The following RGR variants were observed in gnomAD, a reference collection of about 807,000 sequenced individuals.
RGR encodes the protein retinal G protein coupled receptor, also known as RPE-retinal G protein-coupled receptor.
RGR carries 30 observed loss-of-function variants against 28.6 expected under a neutral mutation model. That is an observed-to-expected ratio of 1.05 (90% CI 0.78 to 1.42). The LOEUF (loss-of-function observed/expected upper bound fraction) is 1.42, where lower values mean the gene tolerates loss of function less well. Ranked by LOEUF, RGR falls within the 40% of genes most tolerant of loss-of-function variation. The pLI is 0.00. For synonymous variants in RGR, 180 were observed against 156.4 expected, an observed-to-expected ratio of 1.15 and a Z score of -1.13; for missense variants, 404 against 375.6, an observed-to-expected ratio of 1.08 and a Z score of -0.62.
chr10:84,246,891 G>A (rs1024369155), intron 1 of RGR, among the ~76,000 whole-genome samples: 1 of 152,178 alleles, frequency 6.6e-6, no homozygotes, highest in African/African-American at 2.4e-5. Flanking sequence ...ATAGGAGTAA[G>A]GTGGTATCTC....
intron 2 of RGR, 121 bp from the exon 3 acceptor site, chr10:84,248,801 T>C: frequency 6.3e-7 from 1 of 1,582,684 alleles, no homozygotes; most frequent in East Asian, 2.2e-5. Context: ...ACACCAATAT[T>C]AAGGCCCTCT....
rs758081686 is a variant in RGR at position 84,254,400 on chromosome 10, A to C, written c.587A>C (p.Tyr196Ser). ...AMPLFITITSYSLMEQKLGKS... is the reference protein window; with the variant it reads ...AMPLFITITSSSLMEQKLGKS... ...CCCCTCTTCATCACGATCACTTCCT[A>C]CAGTCTCATGGAGCAGAAACTGGGG... is the stretch of plus-strand genomic sequence containing the variant. The change falls in exon 5 of 7, where the codon TAC becomes TCC. Residue 196 changes from tyrosine (Y) to serine (S), a missense_variant. Coordinates refer to ENST00000652092, the MANE Select transcript of RGR (RefSeq NM_001012720.2). 2 of 1,613,852 alleles carry C rather than the reference A, an allele frequency of 1.2e-6. No homozygotes were observed. The highest frequency in any genetic ancestry group is 1.3e-5 in the African/African-American group (1 of 74,836).
At chr10:84,256,059 CTTTTTTTTTT>C (rs61441525) in intron 5 of RGR, among the ~76,000 whole-genome samples, 13 of 54,350 alleles carry the variant, frequency 2.4e-4, no homozygotes, top group African/African-American at 7.8e-4. Flanking sequence ...TTTTTCCTTT[CTTTTTTTTTT>C]TTTTTTTTTT....
intron 6 of RGR, 69 bp downstream of exon 6, chr10:84,258,075 C>T: frequency 7.4e-7 from 1 of 1,347,322 alleles, no homozygotes; most frequent in Non-Finnish European, 1.1e-6. Context: ...TCTCATCTCA[C>T]TTTCTGGATT....
At chr10:84,250,912 A>AG (rs1459863752) in intron 3 of RGR, 1 of 131,002 alleles carries the variant, frequency 7.6e-6, no homozygotes, top group Non-Finnish European at 1.5e-5. Flanking sequence ...CGCCTCAATA[A>AG]AAAAAAAAAA....
At chr10:84,258,364 C>T in intron 6 of RGR, 144 bp from the exon 7 acceptor site, 1 of 1,358,080 alleles carries the variant, frequency 7.4e-7, no homozygotes, top group Non-Finnish European at 1.0e-6. Flanking sequence ...CATGCATCTC[C>T]ACCAACTAGT....
At chr10:84,246,691 A>G (rs895481508) in intron 1 of RGR, among the ~76,000 whole-genome samples, 6 of 152,134 alleles carry the variant, frequency 3.9e-5, no homozygotes, top group Non-Finnish European at 8.8e-5. Context: ...GTAAGCATAG[A>G]TGTGCATGTG....
In RGR at chr10:84,247,627, T is replaced by C; in HGVS notation, c.116T>C (p.Phe39Ser). The C allele has an allele frequency of 1.9e-6, 3 of 1,614,080 alleles. No individual in the cohort carries two copies. Among genetic ancestry groups the C allele is most frequent in the Non-Finnish European group, 2.5e-6 (3 of 1,180,004 alleles). ...SGLSLNTLTI[F>S]SFCKTPELRT... Reference sequence around the variant, plus strand: ...CTCAGCCTCAATACCCTGACCATCTTCTCTTTCTGCAAGACCCCGGAGCTG... The same window carrying C: ...CTCAGCCTCAATACCCTGACCATCTCCTCTTTCTGCAAGACCCCGGAGCTG... Residue 39 changes from phenylalanine (F) to serine (S), a missense_variant, in exon 2 of 7, where the codon TTC becomes TCC. Phe to Ser is a radical substitution (Grantham distance 155, BLOSUM62 -2). Coordinates refer to ENST00000652092, the MANE Select transcript of RGR (RefSeq NM_001012720.2).
Position 84,248,719 on chromosome 10 carries a change from C to G in RGR, c.237-203C>G, listed in dbSNP as rs997247180. ...CAACCATGGTGCAGTCAAAGTCACC[C>G]AGCCTGGAGAGTGTGCATTGGGCTC... On this transcript the variant is annotated intron_variant, in intron 2 of 6. Transcript: ENST00000652092. 4 of 816,548 alleles carry G rather than the reference C, an allele frequency of 4.9e-6. No homozygotes were observed. In the Admixed American group the frequency reaches 9.0e-5, roughly 18 times the overall value. The allele number at this position is 816,548 out of a possible 1,614,324, so 50.6% of individuals were successfully genotyped here. A position where few individuals can be genotyped will look rare whatever the true frequency, so the allele number is the denominator to read the frequency against.
chr10:84,253,864 A>G (rs545851270), intron 4 of RGR, among the ~76,000 whole-genome samples: 2 of 152,032 alleles, frequency 1.3e-5, no homozygotes, highest in African/African-American at 4.8e-5. Flanking sequence ...GACTCCCACT[A>G]TTCCCTTCAC....
In RGR at chr10:84,259,878, C is replaced by G. The variant is rs376292406; in HGVS notation, c.*1239C>G. ...ATACATGGTTTGCAAATATTTTCTC[C>G]GGTTCTGCACGTTGTTCATTCTGTT... On this transcript the variant is annotated 3_prime_UTR_variant, in exon 7 of 7. Coordinates refer to ENST00000652092, the MANE Select transcript of RGR (RefSeq NM_001012720.2). 1 of 151,930 alleles carries G rather than the reference C, an allele frequency of 6.6e-6. No individual in the cohort carries two copies. Among genetic ancestry groups the G allele is most frequent in the Non-Finnish European group, 1.5e-5 (1 of 67,992 alleles). The allele number at this position is 151,930 out of a possible 1,614,324, so 9.4% of individuals were successfully genotyped here. A position where few individuals can be genotyped will look rare whatever the true frequency, so the allele number is the denominator to read the frequency against.
Position 84,250,323 on chromosome 10 carries a change from G to GC in RGR, c.358+1285dup, listed in dbSNP as rs1481548371. 2.8e-5 allele frequency: 20 copies of GC among 716,798 alleles called. No homozygotes were observed. In the Admixed American group the frequency reaches 3.2e-4, roughly 11 times the overall value. The allele number at this position is 716,798 out of a possible 1,614,324, so 44.4% of individuals were successfully genotyped here. ...TTCCCTTGCCATAGTCACATGTATA[G>GC]CCCCCTTCCCTGAAAATTCACTGCC... On this transcript the variant is annotated intron_variant, in intron 3 of 6. Coordinates refer to ENST00000652092, the MANE Select transcript of RGR (RefSeq NM_001012720.2).
chr10:84,251,102 G>T (rs905232243), intron 3 of RGR, among the ~76,000 whole-genome samples: 1 of 151,918 alleles, frequency 6.6e-6, no homozygotes, highest in African/African-American at 2.4e-5. Flanking sequence ...GGGCATGGTG[G>T]CATGAGCTTG....
At chr10:84,252,518 A>T (rs929212134) in intron 3 of RGR, among the ~76,000 whole-genome samples, 2 of 152,176 alleles carry the variant, frequency 1.3e-5, no homozygotes, top group African/African-American at 4.8e-5. Flanking sequence ...TGAGGCAAGG[A>T]TTATCATTCC....
chr10:84,254,272 G>T, intron 4 of RGR, 54 bp from the exon 5 acceptor site: 1 of 1,478,196 alleles, frequency 6.8e-7, no homozygotes, highest in Admixed American at 1.7e-5. Context: ...GTCCTTGAGG[G>T]CAGCTGGCCA....
chr10:84,252,676 G>T (rs985918551), intron 3 of RGR, among the ~76,000 whole-genome samples, 181 bp from the exon 4 acceptor site: 1 of 152,110 alleles, frequency 6.6e-6, no homozygotes. Flanking sequence ...GTAACACAGG[G>T]ATAAGAAAAC....
In RGR at chr10:84,257,879, C is replaced by A. The variant is rs1243442624; in HGVS notation, c.631-14C>A. The A allele has an allele frequency of 6.2e-7, 1 of 1,612,436 alleles. No homozygotes were observed. Among genetic ancestry groups the A allele is most frequent in the African/African-American group, 1.3e-5 (1 of 75,008 alleles). Reference sequence around the variant, plus strand: ...TGGAGCAAGCTGACATCTCCTGTGACAATTTCTCCCCAGGTAAACACCACT... The same window carrying A: ...TGGAGCAAGCTGACATCTCCTGTGAAAATTTCTCCCCAGGTAAACACCACT... On this transcript the variant is annotated splice_polypyrimidine_tract_variant and intron_variant, in intron 5 of 6. Transcript: ENST00000652092.
intron 2 of RGR, 87 bp downstream of exon 2, chr10:84,247,834 T>C: frequency 6.3e-7 from 1 of 1,594,820 alleles, no homozygotes; most frequent in Non-Finnish European, 8.6e-7. Context: ...CAAGGGCATT[T>C]TTACTACTTA....
intron 1 of RGR, among the ~76,000 whole-genome samples, chr10:84,246,769 T>C (rs1157279208): frequency 1.3e-5 from 2 of 152,242 alleles, no homozygotes; most frequent in Non-Finnish European, 2.9e-5. Flanking sequence ...CTGTTTTCCA[T>C]AGAGGTTGTA....
Sources: allele counts gnomAD v4.1 joint callset (sites outside exome capture counted in the v4.1 genomes callset), GRCh38; gene constraint gnomAD v4.1.1; transcripts MANE v1.5; gene names NCBI Gene and HGNC (gene_info 2026-07-23, HGNC 2026-07-21).